BMP5: variants seen among roughly 807,000 people sequenced by gnomAD.
BMP5 encodes bone morphogenetic protein 5.
BMP5 carries 23 observed loss-of-function variants against 46.6 expected under a neutral mutation model. The ratio of observed to expected loss-of-function variants is 0.49; its 90% CI spans 0.35 to 0.70. The LOEUF is 0.70. Ranked by LOEUF, BMP5 falls within the 30% of genes least tolerant of loss-of-function variation. The pLI is 0.00. For missense variants in BMP5, 545 were observed against 565.6 expected, an observed-to-expected ratio of 0.96 and a Z score of 0.37; for synonymous variants, 204 against 191.9, an observed-to-expected ratio of 1.06 and a Z score of -0.52.
At chr6:55,845,366 C>T (rs1349181621) in intron 1 of BMP5, among the ~76,000 whole-genome samples, 1 of 151,818 alleles carries the variant, frequency 6.6e-6, no homozygotes, top group Non-Finnish European at 1.5e-5. Flanking sequence ...AGCATATTCA[C>T]CTGGAACCTA....
intron 3 of BMP5, among the ~76,000 whole-genome samples, chr6:55,786,070 C>T (rs1775440959): frequency 2.0e-5 from 3 of 151,666 alleles, no homozygotes; most frequent in Admixed American, 2.0e-4. Flanking sequence ...TCTACACACC[C>T]ATGCATGCGC....
intron 2 of BMP5, among the ~76,000 whole-genome samples, chr6:55,805,569 T>C (rs921262347): frequency 6.6e-6 from 1 of 152,138 alleles, no homozygotes; most frequent in Non-Finnish European, 1.5e-5. Context: ...TATATTCCCT[T>C]GGGTATATAT....
intron 1 of BMP5, among the ~76,000 whole-genome samples, chr6:55,838,331 C>G (rs1268430592): frequency 6.6e-6 from 1 of 152,158 alleles, no homozygotes; most frequent in Non-Finnish European, 1.5e-5. Flanking sequence ...GGATATAAGC[C>G]ATATTAACTG....
rs1483871540 is a variant in BMP5 at position 55,755,057 on chromosome 6, G to T, written c.*476C>A. 6.6e-6 allele frequency: 1 copy of T among 152,558 alleles called. No individual in the cohort carries two copies. Among genetic ancestry groups the T allele is most frequent in the Non-Finnish European group, 1.5e-5 (1 of 68,418 alleles). 9.5% of individuals were successfully genotyped at this position (152,558 alleles called of 1,614,324 possible). A position where few individuals can be genotyped will look rare whatever the true frequency, so the allele number is the denominator to read the frequency against. On this transcript the variant is annotated 3_prime_UTR_variant, in exon 7 of 7. Coordinates refer to ENST00000370830, the MANE Select transcript of BMP5 (RefSeq NM_021073.4). ...AAGCAGGAACTCTAAAAGAGAAATT[G>T]TGTTTATCCAAGAATTTTTGTTTGG...
intron 1 of BMP5, among the ~76,000 whole-genome samples, chr6:55,873,748 A>G (rs1331709081): frequency 6.6e-6 from 1 of 152,024 alleles, no homozygotes; most frequent in African/African-American, 2.4e-5. Context: ...TGTGAAAAAA[A>G]TCAAGTAGCT....
intron 3 of BMP5, among the ~76,000 whole-genome samples, chr6:55,787,770 CA>C (rs1225748322): frequency 1.3e-5 from 2 of 151,470 alleles, no homozygotes; most frequent in South Asian, 4.1e-4. Flanking sequence ...GTCCTGATAA[CA>C]AAAGACTTTA....
At chr6:55,853,982 G>T (rs115352870) in intron 1 of BMP5, among the ~76,000 whole-genome samples, 1 of 151,980 alleles carries the variant, frequency 6.6e-6, no homozygotes, top group Admixed American at 6.6e-5. Flanking sequence ...ATATAATATT[G>T]TTTTATTTTA....
chr6:55,765,632 G>A (rs1774900329), intron 4 of BMP5, among the ~76,000 whole-genome samples: 1 of 151,972 alleles, frequency 6.6e-6, no homozygotes, highest in African/African-American at 2.4e-5. Context: ...CAAAGATAAG[G>A]GGCTTTAAAA....
intron 1 of BMP5, among the ~76,000 whole-genome samples, chr6:55,835,852 A>G (rs946060196): frequency 1.1e-4 from 17 of 152,342 alleles, no homozygotes; most frequent in African/African-American, 3.8e-4. Flanking sequence ...AAAGAATTAC[A>G]AACAGTTTTC....
intron 1 of BMP5, among the ~76,000 whole-genome samples, chr6:55,871,066 T>C (rs1020197849): frequency 6.6e-6 from 1 of 151,932 alleles, no homozygotes; most frequent in Non-Finnish European, 1.5e-5. Context: ...TAAAATTGGC[T>C]TCTAACTAAA....
At chr6:55,808,335 A>G (rs1017939640) in intron 2 of BMP5, among the ~76,000 whole-genome samples, 2 of 152,184 alleles carry the variant, frequency 1.3e-5, no homozygotes, top group African/African-American at 4.8e-5. Context: ...CCCTGGGTCC[A>G]GCTAAGGAAA....
chr6:55,815,981 G>A (rs769517492), intron 2 of BMP5, among the ~76,000 whole-genome samples: 20 of 151,898 alleles, frequency 1.3e-4, no homozygotes, highest in Non-Finnish European at 2.1e-4. Context: ...ACAGAACAGT[G>A]GGCATACAGA....
rs1307506733 is a variant in BMP5 at position 55,843,174 on chromosome 6, G to A, written c.491-23327C>T. ...GGCTATATTACACCATGCAAAACAC[G>A]TTTTTCTCTGATATCATAAGTTAGG... On this transcript the variant is annotated intron_variant, in intron 1 of 6. Transcript: ENST00000370830. 3.9e-5 allele frequency among the ~76,000 whole-genome samples: 6 copies of A among 151,904 alleles called. 1 individual carries two copies. Among genetic ancestry groups the A allele is most frequent in the Non-Finnish European group, 1.5e-5 (1 of 67,910 alleles).
In BMP5 at chr6:55,808,714, T is replaced by C. The variant is rs111873004; in HGVS notation, c.683+10941A>G. Among the ~76,000 whole-genome samples the C allele has an allele frequency of 4.8e-3, 733 of 152,252 alleles. 4 individuals carry two copies. Among genetic ancestry groups the C allele is most frequent in the South Asian group, 0.016 (76 of 4,828 alleles). ...ACCACCTCCCTTGGCTGGGGGGTGGTGGCCCCTCTGCCCCATGAGGCCCTC... is the reference window on the plus strand; with the variant it reads ...ACCACCTCCCTTGGCTGGGGGGTGGCGGCCCCTCTGCCCCATGAGGCCCTC... On this transcript the variant is annotated intron_variant, in intron 2 of 6. Coordinates refer to ENST00000370830, the MANE Select transcript of BMP5 (RefSeq NM_021073.4).
intron 1 of BMP5, among the ~76,000 whole-genome samples, chr6:55,826,577 G>C (rs1401187580): frequency 6.6e-6 from 1 of 151,292 alleles, no homozygotes; most frequent in East Asian, 1.9e-4. Context: ...AGGTGTTCCT[G>C]TTTTCTTTAA....
intron 1 of BMP5, among the ~76,000 whole-genome samples, chr6:55,863,623 T>C (rs1219892848): frequency 6.6e-6 from 1 of 152,202 alleles, no homozygotes; most frequent in African/African-American, 2.4e-5. Context: ...CTGAAAATTT[T>C]ATATACGATA....
chr6:55,828,509 A>G (rs111871030), intron 1 of BMP5, among the ~76,000 whole-genome samples: 356 of 151,942 alleles, frequency 2.3e-3, no homozygotes, highest in Non-Finnish European at 4.0e-3. Flanking sequence ...GCCATTTTAC[A>G]TATGATGTCA....
intron 1 of BMP5, among the ~76,000 whole-genome samples, chr6:55,834,547 C>A (rs1248962484): frequency 2.0e-5 from 3 of 151,862 alleles, no homozygotes; most frequent in Admixed American, 6.6e-5. Context: ...TCTTTTCAGG[C>A]CAATATACAT....
At chr6:55,819,479 G>A (rs548692353) in intron 2 of BMP5, among the ~76,000 whole-genome samples, 176 bp downstream of exon 2, 1 of 152,178 alleles carries the variant, frequency 6.6e-6, no homozygotes, top group Non-Finnish European at 1.5e-5. Flanking sequence ...CTGGAATGTA[G>A]GAGAAAATTT....
Sources: allele counts gnomAD v4.1 joint callset (sites outside exome capture counted in the v4.1 genomes callset), GRCh38; gene constraint gnomAD v4.1.1; transcripts MANE v1.5; gene names NCBI Gene and HGNC (gene_info 2026-07-23, HGNC 2026-07-21).